Variants in MDGA2 observed in about 807,000 individuals in gnomAD.
The protein encoded by MDGA2 is MAM domain containing glycosylphosphatidylinositol anchor 2.
In MDGA2, 40 loss-of-function variants were observed where a neutral mutation model predicts 117.8. The ratio of observed to expected loss-of-function variants is 0.34; its 90% CI spans 0.26 to 0.44. The LOEUF is 0.44. Ranked by LOEUF, MDGA2 falls within the 20% of genes least tolerant of loss-of-function variation. MDGA2 has a pLI of 1.00. For synonymous variants in MDGA2, 452 were observed against 439.0 expected, an observed-to-expected ratio of 1.03 and a Z score of -0.37; for missense variants, 1,123 against 1,250.6, an observed-to-expected ratio of 0.90 and a Z score of 1.54.
At chr14:47,280,103 T>G (rs1042798081) in intron 2 of MDGA2, among the ~76,000 whole-genome samples, 1 of 150,904 alleles carries the variant, frequency 6.6e-6, no homozygotes, top group African/African-American at 2.4e-5. Context: ...TCACCTGAGG[T>G]AGAGAATTCA....
intron 1 of MDGA2, among the ~76,000 whole-genome samples, chr14:47,386,090 T>C (rs1891750723): frequency 6.6e-6 from 1 of 152,082 alleles, no homozygotes; most frequent in African/African-American, 2.4e-5. Context: ...GAGACCAGCC[T>C]GGCCAACATG....
Position 47,127,799 on chromosome 14 carries a change from AT to A in MDGA2, c.925+3914del, listed in dbSNP as rs961901042. Among the ~76,000 whole-genome samples, 141 of 148,902 alleles carry A rather than the reference AT, an allele frequency of 9.5e-4. No homozygotes were observed. The Middle Eastern group carries it at 0.014, about 15-fold the overall frequency. Reference sequence around the variant, plus strand: ...ATTCAAAGACTGTTTTCTAAGCCAAATTTTTTTTTTTAATAATCACAGAAAT... The same window carrying A: ...ATTCAAAGACTGTTTTCTAAGCCAAATTTTTTTTTTAATAATCACAGAAAT... On this transcript the variant is annotated intron_variant, in intron 5 of 16. Coordinates refer to ENST00000399232, the MANE Select transcript of MDGA2 (RefSeq NM_001113498.3).
chr14:46,854,552 T>C (rs1406073645), intron 15 of MDGA2, among the ~76,000 whole-genome samples: 1 of 151,770 alleles, frequency 6.6e-6, no homozygotes, highest in East Asian at 1.9e-4. Flanking sequence ...AAAAATAACT[T>C]ATTTAAAGTC....
intron 1 of MDGA2, among the ~76,000 whole-genome samples, chr14:47,455,336 T>C (rs900124985): frequency 6.6e-6 from 1 of 151,990 alleles, no homozygotes; most frequent in African/African-American, 2.4e-5. Context: ...TGAAACCCCA[T>C]CTCCACTAAA....
At chr14:46,873,979 T>C in intron 13 of MDGA2, 66 bp downstream of exon 13, 1 of 1,232,862 alleles carries the variant, frequency 8.1e-7, no homozygotes, top group Non-Finnish European at 1.1e-6. Context: ...ATATTAGTAT[T>C]TCATATTTAT....
intron 14 of MDGA2, among the ~76,000 whole-genome samples, chr14:46,860,412 T>C (rs1881462671): frequency 6.6e-6 from 1 of 152,050 alleles, no homozygotes; most frequent in South Asian, 2.1e-4. Context: ...AAATAAAATG[T>C]ACTTTATAAT....
At chr14:47,389,399 C>G (rs926654518) in intron 1 of MDGA2, among the ~76,000 whole-genome samples, 1 of 152,036 alleles carries the variant, frequency 6.6e-6, no homozygotes, top group Non-Finnish European at 1.5e-5. Flanking sequence ...ATATATTGTG[C>G]GTGTTTCTTA....
At chr14:46,997,007 A>G in intron 8 of MDGA2, 1 of 360,682 alleles carries the variant, frequency 2.8e-6, no homozygotes, top group Non-Finnish European at 5.2e-6. Flanking sequence ...GCCAAAAACT[A>G]GGTGTTGGAT....
chr14:47,420,931 T>C (rs1160486120), intron 1 of MDGA2, among the ~76,000 whole-genome samples: 2 of 152,108 alleles, frequency 1.3e-5, no homozygotes. Context: ...ATTTTGATTC[T>C]TGTTATTTTA....
At chr14:47,269,192 GCCCTT>G (rs1319241678) in intron 2 of MDGA2, among the ~76,000 whole-genome samples, 3 of 152,076 alleles carry the variant, frequency 2.0e-5, no homozygotes, top group Admixed American at 2.0e-4. Context: ...GACTTCATGG[GCCCTT>G]CCCTAAGCAT....
chr14:47,579,153 T>C (rs977577327), intron 1 of MDGA2, among the ~76,000 whole-genome samples: 2 of 152,118 alleles, frequency 1.3e-5, no homozygotes, highest in African/African-American at 4.8e-5. Context: ...AAATGAATTC[T>C]TGGATAAAAA....
chr14:46,845,734 A>G, intron 16 of MDGA2, 32 bp downstream of exon 16: 2 of 1,361,420 alleles, frequency 1.5e-6, no homozygotes, highest in Non-Finnish European at 2.1e-6. Flanking sequence ...CTTTAACGTT[A>G]CAACAAACCA....
chr14:47,665,937 G>C (rs917752934), intron 1 of MDGA2, among the ~76,000 whole-genome samples: 4 of 151,552 alleles, frequency 2.6e-5, no homozygotes, highest in Admixed American at 6.6e-5. Flanking sequence ...CAAGGGCTGA[G>C]GAGTGCGGGC....
intron 1 of MDGA2, among the ~76,000 whole-genome samples, chr14:47,580,158 CTAT>C (rs1896203024): frequency 6.6e-6 from 1 of 151,980 alleles, no homozygotes; most frequent in Admixed American, 6.6e-5. Context: ...GTTCCTACTA[CTAT>C]AATAAAATAT....
At chr14:47,515,318 T>C (rs547778991) in intron 1 of MDGA2, among the ~76,000 whole-genome samples, 6 of 152,292 alleles carry the variant, frequency 3.9e-5, no homozygotes, top group African/African-American at 1.4e-4. Context: ...GGACTCTCCA[T>C]TTGGTTACCA....
chr14:47,623,014 T>A (rs2138931615), intron 1 of MDGA2, among the ~76,000 whole-genome samples: 1 of 152,086 alleles, frequency 6.6e-6, no homozygotes, highest in African/African-American at 2.4e-5. Flanking sequence ...TGGAAAAAAA[T>A]CCCCAACGCA....
chr14:47,602,390 T>A (rs1438352083), intron 1 of MDGA2, among the ~76,000 whole-genome samples: 1 of 152,078 alleles, frequency 6.6e-6, no homozygotes, highest in Non-Finnish European at 1.5e-5. Context: ...TCTGATCAGA[T>A]GAATCACTCA....
chr14:47,457,859 T>C (rs1367015278), intron 1 of MDGA2, among the ~76,000 whole-genome samples: 1 of 151,860 alleles, frequency 6.6e-6, no homozygotes, highest in Non-Finnish European at 1.5e-5. Context: ...TTTATTATTT[T>C]TCTAATGACA....
intron 1 of MDGA2, among the ~76,000 whole-genome samples, chr14:47,387,190 T>C (rs1431639626): frequency 6.6e-6 from 1 of 152,124 alleles, no homozygotes; most frequent in East Asian, 1.9e-4. Flanking sequence ...CTAACATTAT[T>C]TCAAAATTTC....
Sources: gnomAD v4.1 joint callset for allele counts (sites outside exome capture counted in the v4.1 genomes callset) on GRCh38, gnomAD v4.1.1 for gene constraint, MANE v1.5 for transcripts, NCBI Gene and HGNC (gene_info 2026-07-23, HGNC 2026-07-21) for gene names.